The following INPP5B variants were observed in gnomAD, a reference collection of about 807,000 sequenced individuals.
INPP5B encodes the protein inositol polyphosphate-5-phosphatase B, also known as type II inositol 1,4,5-trisphosphate 5-phosphatase.
A neutral mutation model predicts 118.5 loss-of-function variants in INPP5B; 90 were observed. The ratio of observed to expected loss-of-function variants is 0.76; its 90% CI spans 0.64 to 0.90. INPP5B has a LOEUF of 0.90. INPP5B is among the 40% of genes least tolerant of loss of function. The pLI is 0.00. For missense variants in INPP5B, 984 were observed against 1,125.6 expected, an observed-to-expected ratio of 0.87 and a Z score of 1.80; for synonymous variants, 385 against 418.9, an observed-to-expected ratio of 0.92 and a Z score of 0.99.
At chr1:37,917,308 T>TTTTATATATATATATATA (rs1367504194) in intron 7 of INPP5B, among the ~76,000 whole-genome samples, 7 of 92,796 alleles carry the variant, frequency 7.5e-5, no homozygotes, top group Non-Finnish European at 1.4e-4. Context: ...AAAAAAATAA[T>TTTTATATATATATATATA]TATATATATA....
chr1:37,863,816 C>CA lies in INPP5B; in HGVS notation c.2626+495_2626+496insT, dbSNP rs1396197805. 3.6e-3 allele frequency among the ~76,000 whole-genome samples: 500 copies of CA among 137,794 alleles called. 1 individual carries two copies. Among genetic ancestry groups the CA allele is most frequent in the African/African-American group, 0.013 (475 of 37,932 alleles). 90.4% of individuals were successfully genotyped at this position (137,794 alleles called of 152,430 possible). A position where few individuals can be genotyped will look rare whatever the true frequency, so the allele number is the denominator to read the frequency against. On this transcript the variant is annotated intron_variant, in intron 23 of 23. Transcript: ENST00000373024. ...AGATGTTATATGGTACATGACTATA[C>CA]TTTTTTTTTTTTTTTTGAGATGGAG...
In INPP5B at chr1:37,909,437, C is replaced by T. The variant is rs572749807; in HGVS notation, c.533-17983G>A. Among the ~76,000 whole-genome samples the T allele has an allele frequency of 2.0e-4, 30 of 152,262 alleles. No homozygotes were observed. The East Asian group carries it at 3.1e-3, about 16-fold the overall frequency. On this transcript the variant is annotated intron_variant, in intron 7 of 23. Transcript: ENST00000373024. ...CCCGGTCTGGCTTACAGTTTCATTC[C>T]GTGACCAGCCCTCCCCCACCTGCCC...
At chr1:37,898,466 C>T (rs1037259243) in intron 7 of INPP5B, among the ~76,000 whole-genome samples, 3 of 152,088 alleles carry the variant, frequency 2.0e-5, no homozygotes, top group Non-Finnish European at 4.4e-5. Flanking sequence ...GAGGCCGAGG[C>T]GGGTGGATCA....
At chr1:37,896,031 C>T (rs1226967512) in intron 7 of INPP5B, among the ~76,000 whole-genome samples, 2 of 149,156 alleles carry the variant, frequency 1.3e-5, no homozygotes, top group East Asian at 2.0e-4. Flanking sequence ...AAGTGAGGAG[C>T]GTCTCTGCCC....
intron 5 of INPP5B, among the ~76,000 whole-genome samples, chr1:37,941,012 G>A (rs769042278): frequency 7.9e-5 from 12 of 152,098 alleles, no homozygotes; most frequent in Non-Finnish European, 1.3e-4. Flanking sequence ...GGAGGCAGAA[G>A]AAGGCTCTGA....
chr1:37,861,141 T>A lies in INPP5B; in HGVS notation c.*1174A>T, dbSNP rs1641671703. ...ACTGTGCCTGGTCATTTTAATTTTT[T>A]AAATGCCTGTATTGCCCTCAGAGGC... On this transcript the variant is annotated 3_prime_UTR_variant, in exon 24 of 24. Transcript: ENST00000373024. The A allele has an allele frequency of 1.3e-5, 2 of 152,244 alleles. No homozygotes were observed. The highest frequency in any genetic ancestry group is 4.1e-4 in the South Asian group (2 of 4,832). 9.4% of individuals were successfully genotyped at this position (152,244 alleles called of 1,614,324 possible). A position where few individuals can be genotyped will look rare whatever the true frequency, so the allele number is the denominator to read the frequency against.
intron 19 of INPP5B, among the ~76,000 whole-genome samples, chr1:37,870,183 G>A (rs994146840): frequency 5.3e-5 from 8 of 150,562 alleles, no homozygotes; most frequent in African/African-American, 9.8e-5. Flanking sequence ...TTGCGCTATC[G>A]CTCAGGTACT....
chr1:37,866,551 A>G lies in INPP5B; in HGVS notation c.2302-8T>C. ...TTGCTGAAACAGATCTTCCTGCAAA[A>G]GGGAAGACAGTAACAAAATAATTAT... On this transcript the variant is annotated splice_region_variant and splice_polypyrimidine_tract_variant and intron_variant, in intron 20 of 23. Transcript: ENST00000373024. 6 of 1,521,112 alleles carry G rather than the reference A, an allele frequency of 3.9e-6. No individual in the cohort carries two copies. The highest frequency in any genetic ancestry group is 5.5e-6 in the Non-Finnish European group (6 of 1,095,172). The allele number at this position is 1,521,112 out of a possible 1,614,324, so 94.2% of individuals were successfully genotyped here.
intron 6 of INPP5B, among the ~76,000 whole-genome samples, chr1:37,932,786 C>A (rs1355620058): frequency 1.3e-5 from 2 of 152,092 alleles, no homozygotes; most frequent in Non-Finnish European, 2.9e-5. Context: ...ATTTCACCAC[C>A]CATAACCTCC....
intron 14 of INPP5B, among the ~76,000 whole-genome samples, chr1:37,880,759 T>C (rs1353320937): frequency 1.3e-5 from 2 of 152,166 alleles, no homozygotes; most frequent in Admixed American, 1.3e-4. Flanking sequence ...TCAGTCTCAC[T>C]CTGTCACCCA....
At chr1:37,905,567 G>A (rs1303044306) in intron 7 of INPP5B, among the ~76,000 whole-genome samples, 2 of 152,160 alleles carry the variant, frequency 1.3e-5, no homozygotes, top group Non-Finnish European at 2.9e-5. Flanking sequence ...TTTGTCAGTT[G>A]TGTTTTTGAC....
chr1:37,896,481 G>GC (rs1420369745), intron 7 of INPP5B, among the ~76,000 whole-genome samples: 1 of 147,292 alleles, frequency 6.8e-6, no homozygotes, highest in Non-Finnish European at 1.5e-5. Flanking sequence ...GGGGGGATCA[G>GC]CCCCCCGCCC....
At chr1:37,862,650 A>G (rs1641768716) in intron 23 of INPP5B, among the ~76,000 whole-genome samples, 2 of 152,224 alleles carry the variant, frequency 1.3e-5, no homozygotes, top group African/African-American at 4.8e-5. Flanking sequence ...ATGTTACTAT[A>G]CTGAATACTA....
Position 37,917,399 on chromosome 1 carries a change from C to T in INPP5B, c.532+14514G>A, listed in dbSNP as rs1644912428. Among the ~76,000 whole-genome samples, 3 of 145,818 alleles carry T rather than the reference C, an allele frequency of 2.1e-5. No individual in the cohort carries two copies. The South Asian group carries it at 6.9e-4, about 33-fold the overall frequency. On this transcript the variant is annotated intron_variant, in intron 7 of 23. Transcript: ENST00000373024. ...AGTGCAGTAGCGCGATCTCGGCTCA[C>T]TGCAACCTCTGCCTCCTGAGTTCAA... is the stretch of plus-strand genomic sequence containing the variant.
intron 8 of INPP5B, among the ~76,000 whole-genome samples, chr1:37,890,227 G>A (rs1420845836): frequency 6.6e-6 from 1 of 152,012 alleles, no homozygotes; most frequent in East Asian, 1.9e-4. Context: ...ATACAAAAAT[G>A]AGCTGGGTGT....
chr1:37,886,837 C>T (rs769465775), intron 12 of INPP5B, 51 bp downstream of exon 12: 26 of 1,346,810 alleles, frequency 1.9e-5, no homozygotes, highest in Non-Finnish European at 2.8e-5. Flanking sequence ...GTGGTCAATA[C>T]CTCAGGAGCT....
At chr1:37,881,085 C>G (rs1399123048) in intron 14 of INPP5B, among the ~76,000 whole-genome samples, 1 of 152,212 alleles carries the variant, frequency 6.6e-6, no homozygotes, top group Non-Finnish European at 1.5e-5. Context: ...ACTGAGATAT[C>G]TTTAAGAGGA....
rs1026942006 is a variant in INPP5B, at chr1:37,946,347, A to T, written c.-26-13T>A. ...GAGCGCACACACCCTGTGGGAGGGGAGATAGGAGCCCCGCTTTGGTCAACA... is the reference window on the plus strand; with the variant it reads ...GAGCGCACACACCCTGTGGGAGGGGTGATAGGAGCCCCGCTTTGGTCAACA... On this transcript the variant is annotated splice_polypyrimidine_tract_variant and intron_variant, in intron 1 of 23. Coordinates refer to ENST00000373024, the MANE Select transcript of INPP5B (RefSeq NM_005540.3). 1 of 1,594,152 alleles carries T rather than the reference A, an allele frequency of 6.3e-7. No homozygotes were observed. Among genetic ancestry groups the T allele is most frequent in the Non-Finnish European group, 8.6e-7 (1 of 1,169,052 alleles).
chr1:37,932,367 T>C (rs957168730), intron 6 of INPP5B, among the ~76,000 whole-genome samples: 8 of 107,350 alleles, frequency 7.5e-5, no homozygotes, highest in South Asian at 5.2e-4. Context: ...TCTTTTCTTT[T>C]TTTTTTTTTT....
Sources: gnomAD v4.1 joint callset for allele counts (sites outside exome capture counted in the v4.1 genomes callset) on GRCh38, gnomAD v4.1.1 for gene constraint, MANE v1.5 for transcripts, NCBI Gene and HGNC (gene_info 2026-07-23, HGNC 2026-07-21) for gene names.